Variants in KIAA0586 observed in about 807,000 individuals in gnomAD.
The protein encoded by KIAA0586 is protein TALPID3.
In KIAA0586, 144 loss-of-function variants were observed where a neutral mutation model predicts 169.8. The ratio of observed to expected loss-of-function variants is 0.85; its 90% CI spans 0.74 to 0.97. The LOEUF is 0.97. Among genes scored for constraint, KIAA0586 ranks in the 50% least tolerant of loss-of-function variants. The pLI is 0.00. For synonymous variants in KIAA0586, 625 were observed against 612.4 expected (o/e 1.02, Z -0.30); for missense variants, 1,854 against 1,823.0 (o/e 1.02, Z -0.31).
chr14:58,510,803 A>G (rs761932931), intron 28 of KIAA0586, among the ~76,000 whole-genome samples: 1 of 152,126 alleles, frequency 6.6e-6, no homozygotes, highest in Non-Finnish European at 1.5e-5. Context: ...GGCATGAACT[A>G]TGAATACAAA....
chr14:58,558,823 G>A, the KIAA0586 span, among the ~76,000 whole-genome samples: 12 of 152,162 alleles, frequency 7.9e-5, no homozygotes, highest in African/African-American at 2.4e-4. Flanking sequence ...TGCAAGGACC[G>A]GTACAAGTAG....
chr14:58,522,360 G>A (rs1344861075), intron 29 of KIAA0586, among the ~76,000 whole-genome samples: 1 of 152,184 alleles, frequency 6.6e-6, no homozygotes, highest in African/African-American at 2.4e-5. Context: ...TTCCCTAACT[G>A]CAAAGGCAAT....
rs1349958698 is a variant in KIAA0586 at position 58,430,710 on chromosome 14, G to A, written c.333G>A (p.Lys111=). 7.0e-6 allele frequency: 11 copies of A among 1,571,906 alleles called. No homozygotes were observed. The highest frequency in any genetic ancestry group is 9.6e-6 in the Non-Finnish European group (11 of 1,148,132). ...TGGATAAAATAGAAGAGAACAACAA[G>A]CAAAAAGGTAAAAGAATAATATTGA... ...LPLDKIEENN[K]QKANDIFISQ... The change falls in exon 3 of 31, where the codon AAG becomes AAA. Residue 111 remains lysine (K), a synonymous_variant. Coordinates refer to ENST00000652326, the MANE Select transcript of KIAA0586 (RefSeq NM_001329943.3).
chr14:58,529,972 CA>C (rs2045855732), intron 29 of KIAA0586, among the ~76,000 whole-genome samples: 1 of 152,136 alleles, frequency 6.6e-6, no homozygotes, highest in African/African-American at 2.4e-5. Context: ...CATCTCAGCC[CA>C]AAATCTCCTT....
intron 16 of KIAA0586, among the ~76,000 whole-genome samples, chr14:58,468,710 C>T (rs977673318): frequency 2.6e-5 from 4 of 152,210 alleles, no homozygotes; most frequent in African/African-American, 7.2e-5. Context: ...TGAGTATTTA[C>T]ATGCGACTTT....
At chr14:58,439,848 T>C in intron 4 of KIAA0586, 2 of 983,996 alleles carry the variant, frequency 2.0e-6, no homozygotes, top group Non-Finnish European at 2.4e-6. Context: ...AGATGGAATG[T>C]ATTCCTGCCA....
Position 58,441,347 on chromosome 14 carries a change from T to G in KIAA0586, c.411-1359T>G, listed in dbSNP as rs1051790402. The G allele has an allele frequency of 6.5e-5, 28 of 429,836 alleles. No individual in the cohort carries two copies. The highest frequency in any genetic ancestry group is 4.7e-4 in the Admixed American group (18 of 38,424). 26.6% of individuals were successfully genotyped at this position (429,836 alleles called of 1,614,324 possible). ...TCCCGAGTAGCTGGGACTACAGGTG[T>G]GTGCCACCACACCTGGCTAATTTTT... On this transcript the variant is annotated intron_variant, in intron 4 of 30. Transcript: ENST00000652326.
chr14:58,487,916 A>G lies in KIAA0586; in HGVS notation c.3334A>G (p.Asn1112Asp), dbSNP rs1349166584. The change falls in exon 23 of 31, where the codon AAT becomes GAT. Residue 1112 changes from asparagine to aspartate, a missense_variant. Coordinates refer to ENST00000652326, the MANE Select transcript of KIAA0586 (RefSeq NM_001329943.3). ...GDDMPAIMLVNTPTVTPTTTP... is the reference protein window; with the variant it reads ...GDDMPAIMLVDTPTVTPTTTP... ...TGATATGCCTGCCATCATGCTTGTT[A>G]ATACTCCAACAGTTACCCCTACTAC... The G allele has an allele frequency of 1.2e-6, 2 of 1,613,278 alleles. No homozygotes were observed. The highest frequency in any genetic ancestry group is 3.3e-5 in the Admixed American group (2 of 59,966).
chr14:58,512,534 CA>C lies in KIAA0586; in HGVS notation c.4340del (p.Asn1447IlefsTer71). 1 of 1,523,806 alleles carries C rather than the reference CA, an allele frequency of 6.6e-7. No homozygotes were observed. Among genetic ancestry groups the C allele is most frequent in the Non-Finnish European group, 8.8e-7 (1 of 1,141,644 alleles). 94.4% of individuals were successfully genotyped at this position (1,523,806 alleles called of 1,614,324 possible). A position where few individuals can be genotyped will look rare whatever the true frequency, so the allele number is the denominator to read the frequency against. On this transcript the variant is annotated frameshift_variant, in exon 29 of 31. Coordinates refer to ENST00000652326, the MANE Select transcript of KIAA0586 (RefSeq NM_001329943.3). LOFTEE classifies it high-confidence loss of function. ...AEDFSQYQLK[Q>X]NQDVKQVEHK... Reference sequence around the variant, plus strand: ...TTAAATTATTTAGTACCAACTAAAGCAAAATCAGGATGTTAAGCAAGTTGAA... The same window carrying C: ...TTAAATTATTTAGTACCAACTAAAGCAAATCAGGATGTTAAGCAAGTTGAA...
chr14:58,509,725 G>A (rs1264805863), intron 28 of KIAA0586, among the ~76,000 whole-genome samples: 2 of 152,220 alleles, frequency 1.3e-5, no homozygotes, highest in East Asian at 3.9e-4. Context: ...TAATGAAAAA[G>A]TATCTGTTAA....
intron 18 of KIAA0586, among the ~76,000 whole-genome samples, chr14:58,472,590 T>C (rs974617591): frequency 6.6e-6 from 1 of 152,006 alleles, no homozygotes; most frequent in African/African-American, 2.4e-5. Context: ...TTTTTTTCTT[T>C]CTGTTAATTT....
At chr14:58,519,112 A>G (rs956256804) in intron 29 of KIAA0586, among the ~76,000 whole-genome samples, 13 of 152,268 alleles carry the variant, frequency 8.5e-5, no homozygotes, top group Admixed American at 5.2e-4. Context: ...AGCTTGGGCC[A>G]CAAAGTGAGA....
In KIAA0586 at chr14:58,547,988, C is replaced by G; in HGVS notation, c.*56C>G. 2.5e-6 allele frequency: 4 copies of G among 1,592,098 alleles called. No individual in the cohort carries two copies. Among genetic ancestry groups the G allele is most frequent in the Non-Finnish European group, 3.4e-6 (4 of 1,165,588 alleles). ...GCCACTGGTTTTAAAGTCATTTTACCTTGGCTTAAAACCCTCTCTCAGACT... is the reference window on the plus strand; with the variant it reads ...GCCACTGGTTTTAAAGTCATTTTACGTTGGCTTAAAACCCTCTCTCAGACT... On this transcript the variant is annotated 3_prime_UTR_variant, in exon 31 of 31. Coordinates refer to ENST00000652326, the MANE Select transcript of KIAA0586 (RefSeq NM_001329943.3).
In KIAA0586 at chr14:58,549,490, A is replaced by G. The variant is rs529595331; in HGVS notation, c.*1558A>G. ...CTGAACATAGAAGCTGCAAGAGTCT[A>G]TGGAAACTCAGAAATGTGTCAGCCT... On this transcript the variant is annotated 3_prime_UTR_variant, in exon 31 of 31. Transcript: ENST00000652326. The G allele has an allele frequency of 2.6e-5, 4 of 152,166 alleles. No individual in the cohort carries two copies. The highest frequency in any genetic ancestry group is 3.8e-4 in the East Asian group (2 of 5,196). 9.4% of individuals were successfully genotyped at this position (152,166 alleles called of 1,614,324 possible).
At position 58,487,095 on chromosome 14, in the gene KIAA0586, C is replaced by T; in HGVS notation, c.3233C>T (p.Thr1078Ile). ...GCTAAGGAGTGTGTTTTGGTAAAGACTCCAGATTCTTCTCCCTGTGATTCG... is the reference window on the plus strand; with the variant it reads ...GCTAAGGAGTGTGTTTTGGTAAAGATTCCAGATTCTTCTCCCTGTGATTCG... ...SPAKECVLVK[T>I]PDSSPCDSDH... is the part of the protein sequence containing the mutation. The change falls in exon 22 of 31, where the codon ACT becomes ATT. Residue 1078 changes from threonine to isoleucine, a missense_variant. Transcript: ENST00000652326. 1 of 1,613,646 alleles carries T rather than the reference C, an allele frequency of 6.2e-7. No individual in the cohort carries two copies. Among genetic ancestry groups the T allele is most frequent in the Admixed American group, 1.7e-5 (1 of 60,018 alleles).
chr14:58,468,798 C>G (rs1484145636), intron 16 of KIAA0586, among the ~76,000 whole-genome samples: 1 of 152,198 alleles, frequency 6.6e-6, no homozygotes, highest in Non-Finnish European at 1.5e-5. Context: ...TACTCCAACT[C>G]CTGTATTCGT....
At chr14:58,443,079 A>G (rs145066811) in intron 5 of KIAA0586, among the ~76,000 whole-genome samples, 199 bp downstream of exon 5, 1 of 152,216 alleles carries the variant, frequency 6.6e-6, no homozygotes, top group African/African-American at 2.4e-5. Flanking sequence ...CTGTGATGGC[A>G]CTGGTGAATT....
Position 58,488,072 on chromosome 14 carries a change from C to G in KIAA0586, c.3490C>G (p.Pro1164Ala). 6.2e-7 allele frequency: 1 copy of G among 1,607,594 alleles called. No homozygotes were observed. Among genetic ancestry groups the G allele is most frequent in the Non-Finnish European group, 8.5e-7 (1 of 1,176,996 alleles). ...AGACCTGCCACTGGAAGAAGAGAAC[C>G]CTAACTCACCTCAAGAAGAACTTCA... ...DGDLPLEEENPNSPQEELHPR... is the reference protein window; with the variant it reads ...DGDLPLEEENANSPQEELHPR... The change falls in exon 23 of 31, where the codon CCT becomes GCT. Residue 1164 changes from proline (P) to alanine (A), a missense_variant. Transcript: ENST00000652326.
intron 29 of KIAA0586, chr14:58,521,507 A>G (rs2045225851): frequency 2.6e-6 from 2 of 766,474 alleles, no homozygotes; most frequent in South Asian, 1.3e-5. Context: ...TACCCAGCAC[A>G]TGTTCCTCCT....
Sources: allele counts gnomAD v4.1 joint callset (sites outside exome capture counted in the v4.1 genomes callset), GRCh38; gene constraint gnomAD v4.1.1; transcripts MANE v1.5; gene names NCBI Gene and HGNC (gene_info 2026-07-23, HGNC 2026-07-21).